The following MATR3 variants were observed in gnomAD, a reference collection of about 807,000 sequenced individuals.
MATR3 encodes the protein matrin 3.
A neutral mutation model predicts 85.5 loss-of-function variants in MATR3; 4 were observed. The observed-to-expected ratio is 0.05, with a 90% CI of 0.02 to 0.11. The LOEUF is 0.11. Among genes scored for constraint, MATR3 ranks in the 10% least tolerant of loss-of-function variants. The probability of loss-of-function intolerance (pLI) is 1.00; values close to 1 mark genes in which losing one functional copy is unlikely to be tolerated. For synonymous variants in MATR3, 336 were observed against 343.1 expected (o/e 0.98, Z 0.23); for missense variants, 685 against 1,016.1 (o/e 0.67, Z 4.43).
intron 1 of MATR3, among the ~76,000 whole-genome samples, chr5:139,303,429 C>T (rs1754555448): frequency 6.6e-6 from 1 of 152,190 alleles, no homozygotes; most frequent in Admixed American, 6.5e-5. Flanking sequence ...GAGTGATTAT[C>T]TCACACAGTT....
At chr5:139,305,047 TAA>T (rs1450497398) in intron 1 of MATR3, among the ~76,000 whole-genome samples, 1 of 152,230 alleles carries the variant, frequency 6.6e-6, no homozygotes, top group Non-Finnish European at 1.5e-5. Flanking sequence ...AAATCTAACT[TAA>T]GTTGCTTTTC....
At chr5:139,326,659 A>T (rs1755868266) in intron 14 of MATR3, among the ~76,000 whole-genome samples, 2 of 152,112 alleles carry the variant, frequency 1.3e-5, no homozygotes, top group South Asian at 4.1e-4. Flanking sequence ...TCCTGACCTC[A>T]GGTGATCCAC....
intron 14 of MATR3, among the ~76,000 whole-genome samples, chr5:139,327,991 A>G (rs1755946059): frequency 1.3e-5 from 2 of 151,960 alleles, no homozygotes; most frequent in South Asian, 2.1e-4. Flanking sequence ...GCTCCCGAGT[A>G]GCTGGTATTA....
rs901793744 is a variant in MATR3 at position 139,307,181 on chromosome 5, TAAAA to T, written c.-177-54_-177-51del. 34 of 1,187,256 alleles carry T rather than the reference TAAAA, an allele frequency of 2.9e-5. No homozygotes were observed. The highest frequency in any genetic ancestry group is 7.9e-5 in the African/African-American group (5 of 63,102). 73.5% of individuals were successfully genotyped at this position (1,187,256 alleles called of 1,614,324 possible). ...ACATGATGCATAAGTTTTTTTTTCT[TAAAA>T]AAACGGCATCTGCTTAAAGGGATTT... is the stretch of plus-strand genomic sequence containing the variant. On this transcript the variant is annotated intron_variant, in intron 1 of 14. Transcript: ENST00000394805. This position sits in a 1 kb window ranked among gnomAD's most constrained non-coding sequence, Gnocchi z 4.4.
intron 10 of MATR3, 74 bp downstream of exon 10, chr5:139,322,103 A>C: frequency 1.3e-6 from 2 of 1,487,686 alleles, no homozygotes. Flanking sequence ...TCTTTTAAAC[A>C]TTTTTGTATG....
intron 3 of MATR3, chr5:139,315,394 C>T: frequency 9.3e-6 from 3 of 322,166 alleles, no homozygotes; most frequent in Non-Finnish European, 1.8e-5. Flanking sequence ...TTCTATGTAA[C>T]CCACATTTCT....
intron 2 of MATR3, chr5:139,311,875 C>G (rs953824790): frequency 6.2e-5 from 9 of 145,146 alleles, no homozygotes; most frequent in African/African-American, 2.3e-4. Context: ...TCAAGCAATT[C>G]TCCTGCCTCA....
chr5:139,313,775 C>G (rs190330066), intron 2 of MATR3: 1 of 152,226 alleles, frequency 6.6e-6, no homozygotes, highest in Admixed American at 6.5e-5. Context: ...TCTAGAAAAG[C>G]CATTCCTGTT....
chr5:139,295,191 G>T (rs1307088604), intron 1 of MATR3, among the ~76,000 whole-genome samples: 1 of 152,066 alleles, frequency 6.6e-6, no homozygotes, highest in Non-Finnish European at 1.5e-5. Context: ...TTTACTAATG[G>T]CTCAGTCATC....
intron 1 of MATR3, 162 bp downstream of exon 1, chr5:139,293,967 G>A (rs1421082492): frequency 7.9e-6 from 10 of 1,260,980 alleles, no homozygotes; most frequent in East Asian, 3.1e-5. Context: ...TGAGCCGCCT[G>A]ATCGGCGGCC....
chr5:139,317,038 T>A lies in MATR3; in HGVS notation c.1130-15T>A, dbSNP rs774202102. The A allele has an allele frequency of 1.4e-5, 23 of 1,606,298 alleles. No homozygotes were observed. The highest frequency in any genetic ancestry group is 2.0e-5 in the Non-Finnish European group (23 of 1,173,830). ...ATAGTGATTACAAGACTGAAAACTT[T>A]CTCTTCCCATAAAGGTGCTGGAAAT... On this transcript the variant is annotated splice_polypyrimidine_tract_variant and intron_variant, in intron 5 of 14. Transcript: ENST00000394805.
chr5:139,303,048 GTTTT>G (rs758720111), intron 1 of MATR3, among the ~76,000 whole-genome samples: 1 of 137,078 alleles, frequency 7.3e-6, no homozygotes, highest in African/African-American at 2.7e-5. Flanking sequence ...CAAATTAGTT[GTTTT>G]TTTTTTTTTT....
intron 9 of MATR3, among the ~76,000 whole-genome samples, chr5:139,321,053 C>G (rs559919949): frequency 1.3e-5 from 2 of 151,756 alleles, no homozygotes; most frequent in Admixed American, 6.6e-5. Context: ...CCGCGCCCAG[C>G]CAGCTTATTA....
chr5:139,293,921 C>G, intron 1 of MATR3, 116 bp downstream of exon 1: 8 of 1,197,148 alleles, frequency 6.7e-6, no homozygotes, highest in Non-Finnish European at 7.3e-6. Context: ...GCCTTTCTTG[C>G]TCGCTCCCGC....
intron 12 of MATR3, among the ~76,000 whole-genome samples, chr5:139,324,255 TTTAAACTTGGGCAG>T (rs1315483040): frequency 6.6e-6 from 1 of 151,886 alleles, no homozygotes; most frequent in Non-Finnish European, 1.5e-5. Flanking sequence ...AGAGCCAAAA[TTTAAACTTGGGCAG>T]TCATTCTTCA....
intron 3 of MATR3, among the ~76,000 whole-genome samples, chr5:139,288,294 A>C (rs1290754724): frequency 3.5e-5 from 4 of 114,568 alleles, no homozygotes; most frequent in African/African-American, 1.1e-4. Flanking sequence ...CACCTGTTAT[A>C]TTTCTTTTGA....
At chr5:139,281,279 G>C (rs1248687125) in intron 3 of MATR3, among the ~76,000 whole-genome samples, 1 of 151,538 alleles carries the variant, frequency 6.6e-6, no homozygotes, top group East Asian at 1.9e-4. Flanking sequence ...GGCTCACGTG[G>C]TCCTCCTGAC....
chr5:139,288,603 TTG>T (rs1008528147), intron 3 of MATR3, among the ~76,000 whole-genome samples: 1 of 152,158 alleles, frequency 6.6e-6, no homozygotes, highest in African/African-American at 2.4e-5. Flanking sequence ...CAAAAAAATT[TTG>T]TCTTTCCAAA....
intron 12 of MATR3, 90 bp downstream of exon 12, chr5:139,323,057 A>G (rs1312839863): frequency 3.1e-6 from 4 of 1,298,760 alleles, no homozygotes; most frequent in Admixed American, 2.4e-5. Context: ...AGATAGAATT[A>G]TATGATTTAA....
Sources: gnomAD v4.1 joint callset for allele counts (sites outside exome capture counted in the v4.1 genomes callset) on GRCh38, gnomAD v4.1.1 for gene constraint, Gnocchi (gnomAD v3.1) non-coding constraint, MANE v1.5 for transcripts, NCBI Gene and HGNC (gene_info 2026-07-23, HGNC 2026-07-21) for gene names.